MAST4: variants seen among roughly 807,000 people sequenced by gnomAD.
The protein encoded by MAST4 is microtubule-associated serine/threonine-protein kinase 4.
In MAST4, 89 loss-of-function variants were observed where a neutral mutation model predicts 162.7. The observed-to-expected ratio is 0.55, with a 90% confidence interval of 0.46 to 0.65. The LOEUF is 0.65. MAST4 is among the 30% of genes least tolerant of loss of function. MAST4 has a pLI of 0.00. For missense variants in MAST4, 3,153 were observed against 3,374.0 expected, an observed-to-expected ratio of 0.93 and a Z score of 1.62; for synonymous variants, 1,479 against 1,361.1, an observed-to-expected ratio of 1.09 and a Z score of -1.91.
intron 4 of MAST4, among the ~76,000 whole-genome samples, chr5:67,052,180 G>T (rs960643998): frequency 2.6e-5 from 4 of 152,090 alleles, no homozygotes; most frequent in African/African-American, 9.7e-5. Flanking sequence ...ATTCATAGAT[G>T]AAATAGCCTG....
intron 1 of MAST4, among the ~76,000 whole-genome samples, chr5:66,645,478 G>A (rs1159472084): frequency 6.6e-6 from 1 of 152,094 alleles, no homozygotes; most frequent in Admixed American, 6.6e-5. Flanking sequence ...ACTCAGCTGG[G>A]GCTTTGGGGA....
intron 1 of MAST4, among the ~76,000 whole-genome samples, chr5:66,724,536 A>T (rs1751402160): frequency 6.6e-6 from 1 of 152,078 alleles, no homozygotes; most frequent in South Asian, 2.1e-4. Context: ...ATGAATGGGG[A>T]TATGTTCTGA....
intron 3 of MAST4, among the ~76,000 whole-genome samples, chr5:66,859,730 G>A (rs1759955087): frequency 6.6e-6 from 1 of 152,202 alleles, no homozygotes; most frequent in Admixed American, 6.5e-5. Flanking sequence ...AATACAAGAG[G>A]AAGAATAACT....
intron 1 of MAST4, among the ~76,000 whole-genome samples, chr5:66,740,163 C>G (rs528234519): frequency 1.3e-5 from 2 of 152,010 alleles, no homozygotes; most frequent in Non-Finnish European, 2.9e-5. Context: ...TAAATAAAGT[C>G]GAAAGGCCAT....
intron 5 of MAST4, among the ~76,000 whole-genome samples, chr5:67,069,601 A>G (rs1760684819): frequency 6.6e-6 from 1 of 152,164 alleles, no homozygotes; most frequent in South Asian, 2.1e-4. Context: ...GCATTTCATC[A>G]GCATCTGAGG....
chr5:66,957,625 C>T (rs951901929), intron 4 of MAST4, among the ~76,000 whole-genome samples: 1 of 152,146 alleles, frequency 6.6e-6, no homozygotes, highest in Non-Finnish European at 1.5e-5. Flanking sequence ...GAGAGATAAG[C>T]TGGTACCTAG....
intron 3 of MAST4, among the ~76,000 whole-genome samples, chr5:66,844,908 C>T (rs912369179): frequency 6.6e-6 from 1 of 151,450 alleles, no homozygotes; most frequent in African/African-American, 2.4e-5. Flanking sequence ...AAGAAGGATA[C>T]ATATGAGCTT....
chr5:67,009,798 T>TG (rs1306447714), intron 4 of MAST4, among the ~76,000 whole-genome samples: 1 of 151,740 alleles, frequency 6.6e-6, no homozygotes, highest in Non-Finnish European at 1.5e-5. Context: ...GGTCTGGGAG[T>TG]GGGGGTGAGA....
chr5:66,904,372 C>G (rs1763206928), intron 4 of MAST4, among the ~76,000 whole-genome samples: 1 of 152,092 alleles, frequency 6.6e-6, no homozygotes, highest in Non-Finnish European at 1.5e-5. Flanking sequence ...TGTTTATACC[C>G]TGGAGAGAGG....
At chr5:66,736,137 C>T (rs191978690) in intron 1 of MAST4, among the ~76,000 whole-genome samples, 2 of 152,136 alleles carry the variant, frequency 1.3e-5, no homozygotes, top group African/African-American at 4.8e-5. Context: ...ACCTTACTTG[C>T]ATACCATTGA....
intron 3 of MAST4, chr5:66,829,013 A>G: frequency 2.6e-6 from 2 of 781,210 alleles, no homozygotes; most frequent in African/African-American, 1.7e-5. Context: ...TGGCAACGCT[A>G]TACGGAGTTT....
At chr5:66,866,774 C>T (rs539054539) in intron 3 of MAST4, among the ~76,000 whole-genome samples, 12 of 152,232 alleles carry the variant, frequency 7.9e-5, no homozygotes, top group African/African-American at 2.9e-4. Context: ...CTTTTGAGCC[C>T]GGGTCTCGCC....
chr5:66,732,821 C>G (rs879295608), intron 1 of MAST4, among the ~76,000 whole-genome samples: 1 of 152,092 alleles, frequency 6.6e-6, no homozygotes, highest in African/African-American at 2.4e-5. Flanking sequence ...TGGGTTGATC[C>G]GCTTGCTTCT....
chr5:66,789,988 A>ATTTTTTTTTTTTTT lies in MAST4; in HGVS notation c.642+1211_642+1224dup, dbSNP rs57743987. Among the ~76,000 whole-genome samples the ATTTTTTTTTTTTTT allele has an allele frequency of 4.8e-4, 25 of 52,464 alleles. 1 individual carries two copies. Among genetic ancestry groups the ATTTTTTTTTTTTTT allele is most frequent in the African/African-American group, 1.3e-3 (11 of 8,746 alleles). 34.4% of individuals were successfully genotyped at this position (52,464 alleles called of 152,430 possible). On this transcript the variant is annotated intron_variant, in intron 3 of 28. Transcript: ENST00000403625. ...CTTTATGTTTAACATGCTTATTAGA[A>ATTTTTTTTTTTTTT]TTTTTTTTTTTTTTTTTTTTTTTTT... is the stretch of plus-strand genomic sequence containing the variant.
intron 1 of MAST4, among the ~76,000 whole-genome samples, chr5:66,712,974 A>G (rs1250084217): frequency 6.6e-6 from 1 of 152,228 alleles, no homozygotes; most frequent in Admixed American, 6.5e-5. Flanking sequence ...GAACAGTGTC[A>G]GTGGGATTCA....
chr5:66,778,106 C>T (rs1017990914), intron 2 of MAST4, among the ~76,000 whole-genome samples: 2 of 152,276 alleles, frequency 1.3e-5, no homozygotes, highest in South Asian at 2.1e-4. Context: ...GGTGCCGTCA[C>T]GCAGGCATTC....
intron 4 of MAST4, among the ~76,000 whole-genome samples, chr5:66,922,874 A>G (rs1764632926): frequency 6.6e-6 from 1 of 152,148 alleles, no homozygotes; most frequent in Non-Finnish European, 1.5e-5. Context: ...AGCATTCTCC[A>G]ATTTAGGGCG....
chr5:66,975,709 T>C (rs1043059928), intron 4 of MAST4, among the ~76,000 whole-genome samples: 1 of 152,022 alleles, frequency 6.6e-6, no homozygotes, highest in Admixed American at 6.5e-5. Flanking sequence ...TAAATGCTGT[T>C]TAGGCCGGGC....
At chr5:66,622,339 G>A (rs1383576755) in intron 1 of MAST4, among the ~76,000 whole-genome samples, 1 of 152,002 alleles carries the variant, frequency 6.6e-6, no homozygotes, top group Non-Finnish European at 1.5e-5. Flanking sequence ...ACAAGTGTGG[G>A]AGAGAGTTGT....
Sources: gnomAD v4.1 joint callset for allele counts (sites outside exome capture counted in the v4.1 genomes callset) on GRCh38, gnomAD v4.1.1 for gene constraint, MANE v1.5 for transcripts, NCBI Gene and HGNC (gene_info 2026-07-23, HGNC 2026-07-21) for gene names.